Variants in SLC16A5 observed in about 807,000 individuals in gnomAD.
SLC16A5 encodes the protein solute carrier family 16 member 5, also known as monocarboxylate transporter 6.
A neutral mutation model predicts 33.2 loss-of-function variants in SLC16A5; 29 were observed. That is an observed-to-expected ratio of 0.87 (90% confidence interval 0.65 to 1.19). The LOEUF is 1.19. Ranked by LOEUF, SLC16A5 falls within the 50% of genes most tolerant of loss-of-function variation. The probability of loss-of-function intolerance (pLI) is 0.00; values close to 1 mark genes in which losing one functional copy is unlikely to be tolerated. For missense variants in SLC16A5, 606 were observed against 678.2 expected (o/e 0.89, Z 1.18); for synonymous variants, 248 against 284.1 (o/e 0.87, Z 1.28).
chr17:75,097,913 C>T, intron 3 of SLC16A5, 125 bp from the exon 4 acceptor site: 3 of 1,129,860 alleles, frequency 2.7e-6, no homozygotes, highest in Non-Finnish European at 3.7e-6. Flanking sequence ...TATCAGAATC[C>T]AGGCCTGCTC....
chr17:75,107,110 G>A (rs2073869551), downstream of SLC16A5, among the ~76,000 whole-genome samples: 2 of 151,832 alleles, frequency 1.3e-5, no homozygotes, highest in Admixed American at 6.6e-5. Context: ...GCCACCCTGG[G>A]CCACATAAGG....
intron 3 of SLC16A5, 108 bp downstream of exon 3, chr17:75,093,943 C>G: frequency 6.9e-7 from 1 of 1,456,638 alleles, no homozygotes; most frequent in Non-Finnish European, 9.2e-7. Context: ...GCTTTGCCTC[C>G]TGGGTGAATT....
downstream of SLC16A5, among the ~76,000 whole-genome samples, chr17:75,107,822 A>G (rs2073874126): frequency 1.3e-5 from 2 of 152,110 alleles, no homozygotes; most frequent in African/African-American, 4.8e-5. Context: ...CTGTAGTCCC[A>G]GCTATTCAGG....
chr17:75,108,056 C>T (rs183454664), downstream of SLC16A5, among the ~76,000 whole-genome samples: 78 of 152,198 alleles, frequency 5.1e-4, no homozygotes, highest in Non-Finnish European at 9.6e-4. Context: ...GAGCCGAGAT[C>T]GCACCACTGT....
chr17:75,103,689 C>T (rs745354360), intron 5 of SLC16A5, among the ~76,000 whole-genome samples: 5 of 152,164 alleles, frequency 3.3e-5, no homozygotes, highest in African/African-American at 4.8e-5. Flanking sequence ...ATAGGTGAGA[C>T]CTGGAGGGTG....
chr17:75,106,087 C>A lies in SLC16A5; in HGVS notation c.*54C>A. 1 of 905,736 alleles carries A rather than the reference C, an allele frequency of 1.1e-6. No individual in the cohort carries two copies. Among genetic ancestry groups the A allele is most frequent in the Non-Finnish European group, 1.7e-6 (1 of 579,240 alleles). 56.1% of individuals were successfully genotyped at this position (905,736 alleles called of 1,614,324 possible). On this transcript the variant is annotated 3_prime_UTR_variant, in exon 7 of 7. Transcript: ENST00000329783. ...CCATGTGAGTTGGGCAAATTGTTGA[C>A]CACCTCTGAGCCTTGAAAAAGTAGG...
chr17:75,100,569 C>G lies in SLC16A5; in HGVS notation c.906C>G (p.Ser302Arg), dbSNP rs767427505. 4 of 1,614,242 alleles carry G rather than the reference C, an allele frequency of 2.5e-6. No individual in the cohort carries two copies. Among genetic ancestry groups the G allele is most frequent in the Non-Finnish European group, 3.4e-6 (4 of 1,180,048 alleles). ...GLMAGRPAFA[S>R]HRKYLFSLAL... ...TGGCAGGACGGCCGGCCTTTGCTAG[C>G]CACCGCAAGTACCTGTTCAGCCTGG... The change falls in exon 5 of 7, where the codon AGC becomes AGG. Residue 302 changes from serine to arginine, a missense_variant. Ser to Arg is a moderately radical substitution (Grantham distance 110, BLOSUM62 -1). Transcript: ENST00000329783.
downstream of SLC16A5, among the ~76,000 whole-genome samples, chr17:75,107,618 C>G (rs1041583972): frequency 3.9e-5 from 6 of 152,042 alleles, no homozygotes; most frequent in African/African-American, 1.4e-4. Flanking sequence ...TCCTGGCCAA[C>G]AAGGTGAAAC....
chr17:75,106,555 C>G (rs896577629), downstream of SLC16A5, among the ~76,000 whole-genome samples: 1 of 148,658 alleles, frequency 6.7e-6, no homozygotes, highest in African/African-American at 2.5e-5. Flanking sequence ...GAGTTTGAGG[C>G]CAGCCTGGGC....
chr17:75,095,679 A>C (rs553971717), intron 3 of SLC16A5, among the ~76,000 whole-genome samples: 54 of 145,192 alleles, frequency 3.7e-4, no homozygotes, highest in Middle Eastern at 3.4e-3. Context: ...TTTTTTTTTT[A>C]GATGGAGTCT....
At chr17:75,101,755 C>T (rs1307785694) in intron 5 of SLC16A5, among the ~76,000 whole-genome samples, 2 of 151,716 alleles carry the variant, frequency 1.3e-5, no homozygotes, top group Non-Finnish European at 2.9e-5. Context: ...CCACCTCAGC[C>T]CCCCAAGTAG....
downstream of SLC16A5, among the ~76,000 whole-genome samples, chr17:75,106,584 CTT>C (rs67212737): frequency 0.054 from 6,241 of 115,542 alleles, 406 homozygotes; most frequent in Non-Finnish European, 0.061. Flanking sequence ...AAGACCCTGT[CTT>C]TTTTTTAAAA....
chr17:75,108,651 C>T (rs1320164577), downstream of SLC16A5, among the ~76,000 whole-genome samples: 4 of 147,058 alleles, frequency 2.7e-5, no homozygotes, highest in East Asian at 7.7e-4. Context: ...AGTATCCATG[C>T]CATAGTAAAC....
intron 1 of SLC16A5, 87 bp from the exon 2 acceptor site, chr17:75,089,064 C>T (rs1299009810): frequency 2.0e-5 from 3 of 152,316 alleles, no homozygotes; most frequent in Non-Finnish European, 4.4e-5. Flanking sequence ...ACCCCTAGTC[C>T]CAGCAAGTGA....
intron 3 of SLC16A5, 80 bp downstream of exon 3, chr17:75,093,915 C>T: frequency 1.3e-6 from 2 of 1,535,126 alleles, no homozygotes; most frequent in East Asian, 2.3e-5. Flanking sequence ...TTCTGATTCC[C>T]TCTCTCTGAG....
rs766647694 is a variant in SLC16A5, at chr17:75,100,251, G to A, written c.588G>A (p.Val196=). The part of the protein sequence containing the change: ...GAIIRPVATS[V]APETKECPPP... ...TCATAAGGCCTGTGGCCACCAGTGTGGCCCCTGAGACCAAAGAATGTCCCC... is the reference window on the plus strand; with the variant it reads ...TCATAAGGCCTGTGGCCACCAGTGTAGCCCCTGAGACCAAAGAATGTCCCC... The change falls in exon 5 of 7, where the codon GTG becomes GTA. Residue 196 remains valine, a synonymous_variant. Transcript: ENST00000329783. 7 of 1,614,232 alleles carry A rather than the reference G, an allele frequency of 4.3e-6. No individual in the cohort carries two copies. In the East Asian group the frequency reaches 1.1e-4, roughly 26 times the overall value.
At chr17:75,092,822 CGT>C (rs10541835) in intron 2 of SLC16A5, among the ~76,000 whole-genome samples, 60,317 of 135,594 alleles carry the variant, frequency 0.44, 12,770 homozygotes, top group East Asian at 0.68. Flanking sequence ...TGTGCCACTG[CGT>C]GTGTGTGTGT....
At chr17:75,090,790 AT>A (rs1226932327) in intron 2 of SLC16A5, among the ~76,000 whole-genome samples, 1 of 152,076 alleles carries the variant, frequency 6.6e-6, no homozygotes, top group Non-Finnish European at 1.5e-5. Flanking sequence ...GCAAAGGTGC[AT>A]AAGGGTTCCT....
intron 5 of SLC16A5, among the ~76,000 whole-genome samples, chr17:75,101,653 G>A (rs992558492): frequency 1.4e-5 from 2 of 144,104 alleles, no homozygotes; most frequent in African/African-American, 5.1e-5. Context: ...CCTTTTTGTT[G>A]AGACAAGGTC....
Sources: allele counts gnomAD v4.1 joint callset (sites outside exome capture counted in the v4.1 genomes callset), GRCh38; gene constraint gnomAD v4.1.1; transcripts MANE v1.5; gene names NCBI Gene and HGNC (gene_info 2026-07-23, HGNC 2026-07-21).